Variants in SULT1C3 observed in about 807,000 individuals in gnomAD.
The protein encoded by SULT1C3 is sulfotransferase 1C3.
A neutral mutation model predicts 28.4 loss-of-function variants in SULT1C3; 31 were observed. The observed-to-expected ratio is 1.09, with a 90% confidence interval of 0.82 to 1.47. The LOEUF (loss-of-function observed/expected upper bound fraction) is 1.47. Ranked by LOEUF, SULT1C3 falls within the 40% of genes most tolerant of loss-of-function variation. The pLI is 0.00. For synonymous variants in SULT1C3, 106 were observed against 92.2 expected, an observed-to-expected ratio of 1.15 and a Z score of -0.86; for missense variants, 307 against 272.5, an observed-to-expected ratio of 1.13 and a Z score of -0.89.
intron 2 of SULT1C3, among the ~76,000 whole-genome samples, chr2:108,250,890 G>A (rs757229294): frequency 3.9e-5 from 6 of 152,008 alleles, no homozygotes; most frequent in Non-Finnish European, 5.9e-5. Context: ...CAGCAGTTCC[G>A]TGGAGTCGGA....
intron 2 of SULT1C3, among the ~76,000 whole-genome samples, chr2:108,248,289 C>T (rs1019052710): frequency 4.6e-5 from 7 of 151,868 alleles, no homozygotes; most frequent in African/African-American, 7.3e-5. Flanking sequence ...TCAGCCATGC[C>T]GAAGGGACAA....
At chr2:108,259,173 G>T in intron 7 of SULT1C3, 27 bp downstream of exon 7, 2 of 304,502 alleles carry the variant, frequency 6.6e-6, no homozygotes, top group Admixed American at 8.1e-5. Context: ...TTCCTTAACT[G>T]AACTCTAAAA....
At chr2:108,264,807 T>G (rs1159654506), downstream of SULT1C3, 1 of 1,593,296 alleles carries the variant, frequency 6.3e-7, no homozygotes, top group Non-Finnish European at 8.5e-7. Context: ...TTGTTTGGTG[T>G]GACTGTTCCA....
chr2:108,247,902 C>T (rs1483134363), intron 2 of SULT1C3, among the ~76,000 whole-genome samples: 1 of 152,102 alleles, frequency 6.6e-6, no homozygotes, highest in Non-Finnish European at 1.5e-5. Context: ...AATTCCTAGA[C>T]TGGAACACAT....
downstream of SULT1C3, chr2:108,265,341 C>A: frequency 1.2e-6 from 2 of 1,613,148 alleles, no homozygotes; most frequent in Non-Finnish European, 1.7e-6. Context: ...ACCTTCCGCA[C>A]AGAGATCTGA....
chr2:108,252,452 A>T lies in SULT1C3; in HGVS notation c.260A>T (p.His87Leu). The T allele has an allele frequency of 6.2e-7, 1 of 1,612,514 alleles. No homozygotes were observed. The highest frequency in any genetic ancestry group is 8.5e-7 in the Non-Finnish European group (1 of 1,179,108). The change falls in exon 3 of 8, where the codon CAC (histidine) becomes CTC (leucine). Residue 87 changes from histidine (H) to leucine (L), a missense_variant. Transcript: ENST00000681802. ...KCKRAQTLDR[H>L]AFLELKFPHK... Reference sequence around the variant, plus strand: ...AAAAGAGCCCAGACTCTAGATAGACACGCTTTCCTTGAACTGAAATTTCCC... The same window carrying T: ...AAAAGAGCCCAGACTCTAGATAGACTCGCTTTCCTTGAACTGAAATTTCCC...
downstream of SULT1C3, among the ~76,000 whole-genome samples, chr2:108,264,655 C>A (rs1676091853): frequency 6.6e-6 from 1 of 152,182 alleles, no homozygotes; most frequent in African/African-American, 2.4e-5. Context: ...TGTGTTGCTA[C>A]AGTATCTGGG....
chr2:108,253,605 A>G (rs998853757), intron 4 of SULT1C3, among the ~76,000 whole-genome samples, 163 bp downstream of exon 4: 2 of 152,112 alleles, frequency 1.3e-5, no homozygotes, highest in East Asian at 3.9e-4. Context: ...TAAATTTGAA[A>G]TCTGCAAACA....
At chr2:108,243,373 T>A (rs1227060109) in intron 1 of SULT1C3, among the ~76,000 whole-genome samples, 2 of 152,154 alleles carry the variant, frequency 1.3e-5, no homozygotes, top group Non-Finnish European at 2.9e-5. Context: ...GGCTCACACC[T>A]GTAATCCCAG....
At chr2:108,252,095 A>G (rs1558663607) in intron 2 of SULT1C3, among the ~76,000 whole-genome samples, 1 of 151,980 alleles carries the variant, frequency 6.6e-6, no homozygotes, top group Non-Finnish European at 1.5e-5. Context: ...ACATACATAC[A>G]TACTTAGATA....
chr2:108,250,949 ATC>A (rs755408918), intron 2 of SULT1C3, among the ~76,000 whole-genome samples: 2 of 152,070 alleles, frequency 1.3e-5, no homozygotes, highest in Non-Finnish European at 2.9e-5. Context: ...TTCTACTCTT[ATC>A]TATGGTAATG....
intron 1 of SULT1C3, among the ~76,000 whole-genome samples, chr2:108,245,853 T>C (rs933424591): frequency 5.3e-5 from 8 of 152,174 alleles, no homozygotes; most frequent in African/African-American, 1.9e-4. Context: ...TTCTATTGCA[T>C]TGTCAGGCTG....
downstream of SULT1C3, among the ~76,000 whole-genome samples, chr2:108,261,865 G>A (rs138963831): frequency 6.6e-6 from 1 of 152,076 alleles, no homozygotes; most frequent in African/African-American, 2.4e-5. Context: ...CTATTCTCTA[G>A]TCAACTGGAT....
At chr2:108,248,589 T>C (rs1355683472) in intron 2 of SULT1C3, among the ~76,000 whole-genome samples, 2 of 152,120 alleles carry the variant, frequency 1.3e-5, no homozygotes, top group Non-Finnish European at 2.9e-5. Flanking sequence ...GAGGACCCTT[T>C]TAGTTTATTG....
chr2:108,251,417 C>A (rs1001738405), intron 2 of SULT1C3, among the ~76,000 whole-genome samples: 1 of 151,968 alleles, frequency 6.6e-6, no homozygotes, highest in African/African-American at 2.4e-5. Context: ...AAATATGGGC[C>A]TTTACAATGA....
At chr2:108,263,101 G>A (rs554562039), downstream of SULT1C3, among the ~76,000 whole-genome samples, 19 of 152,284 alleles carry the variant, frequency 1.2e-4, no homozygotes, top group South Asian at 3.3e-3. Flanking sequence ...GTACTGGGTT[G>A]ATCACCCTTA....
In SULT1C3 at chr2:108,247,330, C is replaced by A; in HGVS notation, c.136C>A (p.Pro46Thr). ...AAAAGTATGTAATTTCCAAGCCAAG[C>A]CTGATGATCTTATTCTGGCAACTTA... is the stretch of plus-strand genomic sequence containing the variant. ...WEKVCNFQAK[P>T]DDLILATYPK... Residue 46 changes from proline to threonine, a missense_variant, in exon 2 of 8, where the codon CCT becomes ACT. Transcript: ENST00000681802. 1 of 1,568,370 alleles carries A rather than the reference C, an allele frequency of 6.4e-7. No homozygotes were observed. Among genetic ancestry groups the A allele is most frequent in the Non-Finnish European group, 8.6e-7 (1 of 1,156,616 alleles).
intron 3 of SULT1C3, among the ~76,000 whole-genome samples, chr2:108,253,051 A>G (rs1675772602): frequency 2.0e-5 from 3 of 152,032 alleles, no homozygotes; most frequent in Admixed American, 2.0e-4. Flanking sequence ...GAGAGAGAAA[A>G]AGAGAAAGGA....
chr2:108,262,317 A>G (rs1676042068), downstream of SULT1C3, among the ~76,000 whole-genome samples: 1 of 152,110 alleles, frequency 6.6e-6, no homozygotes, highest in South Asian at 2.1e-4. Flanking sequence ...AGGCAGATTA[A>G]AGGAAAAGCA....
Sources: gnomAD v4.1 joint callset for allele counts (sites outside exome capture counted in the v4.1 genomes callset) on GRCh38, gnomAD v4.1.1 for gene constraint, MANE v1.5 for transcripts, NCBI Gene and HGNC (gene_info 2026-07-23, HGNC 2026-07-21) for gene names.